The following RAB43 variants were observed in gnomAD, a reference collection of about 807,000 sequenced individuals.
RAB43 encodes RAB43, member RAS oncogene family.
Under a neutral mutation model 18.8 loss-of-function variants are expected in RAB43, and 6 were observed. That is an observed-to-expected ratio of 0.32 (90% CI 0.17 to 0.63). The LOEUF is 0.63. Among genes scored for constraint, RAB43 ranks in the 30% least tolerant of loss-of-function variants. The pLI is 0.79. For synonymous variants in RAB43, 103 were observed against 124.1 expected, an observed-to-expected ratio of 0.83 and a Z score of 1.13; for missense variants, 195 against 289.1, an observed-to-expected ratio of 0.67 and a Z score of 2.36.
intron 1 of RAB43, among the ~76,000 whole-genome samples, chr3:129,100,711 G>A (rs1303959849): frequency 6.6e-6 from 1 of 152,208 alleles, no homozygotes; most frequent in Non-Finnish European, 1.5e-5. Context: ...AGGAAGGGAA[G>A]GATACAGGGT....
At chr3:129,093,428 G>A (rs1470054470) in intron 2 of RAB43, among the ~76,000 whole-genome samples, 1 of 152,140 alleles carries the variant, frequency 6.6e-6, no homozygotes, top group Admixed American at 6.5e-5. Context: ...TGGCCAACAT[G>A]GTGAAACCCA....
intron 1 of RAB43, among the ~76,000 whole-genome samples, chr3:129,106,009 G>A (rs939040995): frequency 2.6e-5 from 4 of 152,126 alleles, no homozygotes; most frequent in African/African-American, 7.2e-5. Context: ...CTGTGGGCAG[G>A]TCCCAGTAGT....
At chr3:129,115,663 A>T (rs1412770693) in intron 1 of RAB43, among the ~76,000 whole-genome samples, 1 of 151,860 alleles carries the variant, frequency 6.6e-6, no homozygotes, top group South Asian at 2.1e-4. Context: ...CTACCAAAAA[A>T]TACAAAAATT....
At chr3:129,120,196 G>C (rs1184608077) in intron 1 of RAB43, among the ~76,000 whole-genome samples, 2 of 152,290 alleles carry the variant, frequency 1.3e-5, no homozygotes, top group Admixed American at 1.3e-4. Flanking sequence ...TCTCCACCTT[G>C]GGGCAGGAGG....
intron 2 of RAB43, 134 bp downstream of exon 2, chr3:129,094,852 G>A: frequency 1.6e-6 from 2 of 1,260,638 alleles, no homozygotes; most frequent in Non-Finnish European, 2.2e-6. Flanking sequence ...GCAGGATCAG[G>A]ATTTGCAAAA....
At chr3:129,111,431 C>T (rs556670903) in intron 1 of RAB43, among the ~76,000 whole-genome samples, 7 of 149,632 alleles carry the variant, frequency 4.7e-5, no homozygotes, top group Admixed American at 3.4e-4. Context: ...AGAAGAATCA[C>T]TTGAACCTGG....
intron 2 of RAB43, among the ~76,000 whole-genome samples, chr3:129,092,834 T>C (rs1393949237): frequency 1.3e-5 from 2 of 151,474 alleles, no homozygotes; most frequent in Admixed American, 6.6e-5. Flanking sequence ...CGGGCGCCTG[T>C]GGTCCCAGCT....
At chr3:129,115,465 T>A (rs1299602779) in intron 1 of RAB43, among the ~76,000 whole-genome samples, 1 of 147,780 alleles carries the variant, frequency 6.8e-6, no homozygotes, top group Non-Finnish European at 1.5e-5. Flanking sequence ...GGTCATGCCA[T>A]TGCACTCCAG....
At chr3:129,102,387 T>C (rs1934474226) in intron 1 of RAB43, among the ~76,000 whole-genome samples, 1 of 152,042 alleles carries the variant, frequency 6.6e-6, no homozygotes, top group African/African-American at 2.4e-5. Context: ...TCCCAGCACT[T>C]TGGAAGGCCG....
chr3:129,092,159 C>A (rs1432804794), intron 2 of RAB43, among the ~76,000 whole-genome samples: 1 of 151,578 alleles, frequency 6.6e-6, no homozygotes, highest in African/African-American at 2.4e-5. Context: ...TATTTGGATC[C>A]TGATCTCAAC....
At chr3:129,106,257 G>C (rs577550304) in intron 1 of RAB43, among the ~76,000 whole-genome samples, 104 of 152,366 alleles carry the variant, frequency 6.8e-4, no homozygotes, top group African/African-American at 2.4e-3. Flanking sequence ...AAAGTTCCTT[G>C]CTTCTTCATA....
chr3:129,110,830 A>T (rs1488175792), intron 1 of RAB43, among the ~76,000 whole-genome samples: 1 of 152,132 alleles, frequency 6.6e-6, no homozygotes, highest in East Asian at 1.9e-4. Flanking sequence ...AAAACAAAAA[A>T]AACACTGAAT....
In RAB43 at chr3:129,103,838, T is replaced by C. The variant is rs573198481; in HGVS notation, c.205-8669A>G. Among the ~76,000 whole-genome samples, 22 of 152,282 alleles carry C rather than the reference T, an allele frequency of 1.4e-4. No homozygotes were observed. In the South Asian group the frequency reaches 4.3e-3, roughly 30 times the overall value. ...CTTTGGCCTCCCAAAGTGCTGGGATTACAGGCACGAGCCACCGCACCTGGC... is the reference window on the plus strand; with the variant it reads ...CTTTGGCCTCCCAAAGTGCTGGGATCACAGGCACGAGCCACCGCACCTGGC... On this transcript the variant is annotated intron_variant, in intron 1 of 2. Coordinates refer to ENST00000315150, the MANE Select transcript of RAB43 (RefSeq NM_198490.3).
intron 1 of RAB43, among the ~76,000 whole-genome samples, chr3:129,108,750 C>T (rs1445388606): frequency 6.6e-6 from 1 of 152,086 alleles, no homozygotes; most frequent in Non-Finnish European, 1.5e-5. Context: ...GGCTCTTAAG[C>T]GATCAAGAAA....
At chr3:129,114,770 G>A (rs1935413582) in intron 1 of RAB43, among the ~76,000 whole-genome samples, 1 of 152,164 alleles carries the variant, frequency 6.6e-6, no homozygotes, top group South Asian at 2.1e-4. Context: ...ACAAAAGGTG[G>A]TAAAGGCCTT....
At chr3:129,097,067 C>G (rs762866497) in intron 1 of RAB43, among the ~76,000 whole-genome samples, 11 of 152,036 alleles carry the variant, frequency 7.2e-5, no homozygotes, top group Non-Finnish European at 1.0e-4. Flanking sequence ...GAGCCGAGAT[C>G]ACGCCACTGC....
chr3:129,095,163 T>G lies in RAB43; in HGVS notation c.211A>C (p.Ile71Leu), dbSNP rs1400214091. 1 of 1,612,792 alleles carries G rather than the reference T, an allele frequency of 6.2e-7. No homozygotes were observed. Among genetic ancestry groups the G allele is most frequent in the Non-Finnish European group, 8.5e-7 (1 of 1,179,478 alleles). Residue 71 changes from isoleucine (I) to leucine (L), a missense_variant, in exon 2 of 3, where the codon ATC (isoleucine) becomes CTC (leucine). Physicochemically the swap from Ile to Leu is conservative, Grantham distance 5. Transcript: ENST00000315150. This position sits in a 1 kb window ranked among gnomAD's most constrained non-coding sequence, Gnocchi z 4.2. ...EIQGKRVKLQIWDTAGQERFR... is the reference protein window; with the variant it reads ...EIQGKRVKLQLWDTAGQERFR... ...CGCTCCTGGCCGGCCGTGTCCCAGA[T>G]CTGCAGCTAAAGAAATAAGGTTCCT...
Position 129,087,724 on chromosome 3 carries a change from A to G in RAB43, c.*3372T>C, listed in dbSNP as rs1055272662. On this transcript the variant is annotated 3_prime_UTR_variant, in exon 3 of 3. Transcript: ENST00000315150. ...GGTGGCATGAAAAATTACCAAATGC[A>G]AATGGAATACTTGCGCTGACTGAAG... is the stretch of plus-strand genomic sequence containing the variant. 3.3e-5 allele frequency: 5 copies of G among 151,064 alleles called. No homozygotes were observed. Among genetic ancestry groups the G allele is most frequent in the Non-Finnish European group, 7.4e-5 (5 of 67,902 alleles). 9.4% of individuals were successfully genotyped at this position (151,064 alleles called of 1,614,324 possible).
chr3:129,111,068 T>C (rs1321368254), intron 1 of RAB43, among the ~76,000 whole-genome samples: 1 of 152,136 alleles, frequency 6.6e-6, no homozygotes, highest in African/African-American at 2.4e-5. Flanking sequence ...CCCATCACCA[T>C]GCGCCTTCCC....
Sources: allele counts gnomAD v4.1 joint callset (sites outside exome capture counted in the v4.1 genomes callset), GRCh38; gene constraint gnomAD v4.1.1; non-coding constraint Gnocchi (gnomAD v3.1); transcripts MANE v1.5; gene names NCBI Gene and HGNC (gene_info 2026-07-23, HGNC 2026-07-21).